Variants in LRRC4C observed in about 807,000 individuals in gnomAD.
LRRC4C encodes the protein leucine-rich repeat-containing protein 4C.
A neutral mutation model predicts 33.6 loss-of-function variants in LRRC4C; 5 were observed. The observed-to-expected ratio is 0.15, with a 90% CI of 0.08 to 0.31. LRRC4C has a LOEUF of 0.31. LRRC4C is among the 10% of genes least tolerant of loss of function. The pLI is 1.00. For synonymous variants in LRRC4C, 329 were observed against 302.0 expected (o/e 1.09, Z -0.93); for missense variants, 560 against 796.7 (o/e 0.70, Z 3.58).
intron 2 of LRRC4C, among the ~76,000 whole-genome samples, chr11:40,866,653 G>A (rs566163384): frequency 7.2e-5 from 11 of 152,250 alleles, no homozygotes; most frequent in South Asian, 4.1e-4. Flanking sequence ...TATTGGCTAC[G>A]TGAACTCTTT....
chr11:40,463,057 G>A (rs1480086551), intron 3 of LRRC4C, among the ~76,000 whole-genome samples: 2 of 152,072 alleles, frequency 1.3e-5, no homozygotes, highest in Non-Finnish European at 2.9e-5. Flanking sequence ...TTAGCTCTGT[G>A]CCTGTCACTG....
chr11:40,194,435 A>T (rs1216680902), intron 5 of LRRC4C, among the ~76,000 whole-genome samples: 2 of 152,194 alleles, frequency 1.3e-5, no homozygotes, highest in Admixed American at 1.3e-4. Flanking sequence ...CCTGCCTTAC[A>T]AGAGTTCCTG....
At chr11:40,896,115 C>T (rs1955928422) in intron 2 of LRRC4C, among the ~76,000 whole-genome samples, 1 of 152,096 alleles carries the variant, frequency 6.6e-6, no homozygotes, top group Non-Finnish European at 1.5e-5. Flanking sequence ...TTTCCTTCAC[C>T]TCTATTCACT....
intron 1 of LRRC4C, among the ~76,000 whole-genome samples, chr11:41,414,305 C>T (rs915682172): frequency 3.3e-5 from 5 of 152,144 alleles, no homozygotes; most frequent in African/African-American, 1.2e-4. Context: ...CCTCTCTTAT[C>T]TAATTTGGAA....
intron 2 of LRRC4C, among the ~76,000 whole-genome samples, chr11:40,685,688 A>T (rs1260812036): frequency 6.6e-6 from 1 of 152,078 alleles, no homozygotes; most frequent in Non-Finnish European, 1.5e-5. Flanking sequence ...AGGCTGAGAT[A>T]GAAAAATAAT....
rs376247786 is a variant in LRRC4C at position 40,354,604 on chromosome 11, C to T, written c.-269-34883G>A. Among the ~76,000 whole-genome samples, 2 of 152,162 alleles carry T rather than the reference C, an allele frequency of 1.3e-5. 1 individual carries two copies. Among genetic ancestry groups the T allele is most frequent in the South Asian group, 4.1e-4 (2 of 4,830 alleles). Reference sequence around the variant, plus strand: ...CCTTCTTCAAGCAGGAGTCTCTCCTCATGGCCACTGCTGCTCCAGGCCCAT... The same window carrying T: ...CCTTCTTCAAGCAGGAGTCTCTCCTTATGGCCACTGCTGCTCCAGGCCCAT... On this transcript the variant is annotated intron_variant, in intron 3 of 6. Transcript: ENST00000528697.
At chr11:41,293,107 T>C (rs893919801) in intron 1 of LRRC4C, among the ~76,000 whole-genome samples, 10 of 152,124 alleles carry the variant, frequency 6.6e-5, no homozygotes, top group Non-Finnish European at 1.3e-4. Context: ...CCAGGAGAAA[T>C]GCTCCAAATA....
rs150162899 is a variant in LRRC4C, at chr11:41,416,920, T to A, written c.-496+42511A>T. ...CTCTTGTGGCGTGGCAACTGAGTAA[T>A]GAGCCAAACTAAAGAGTTTCCCAGT... On this transcript the variant is annotated intron_variant, in intron 1 of 6. Transcript: ENST00000528697. 9.2e-5 allele frequency among the ~76,000 whole-genome samples: 14 copies of A among 152,100 alleles called. No homozygotes were observed. The East Asian group carries it at 2.7e-3, about 29-fold the overall frequency.
chr11:40,520,038 A>G (rs1395728385), intron 3 of LRRC4C, among the ~76,000 whole-genome samples: 1 of 152,208 alleles, frequency 6.6e-6, no homozygotes, highest in Non-Finnish European at 1.5e-5. Flanking sequence ...CTCTCTTGTT[A>G]GAGACTGATG....
chr11:40,308,110 A>T (rs972452227), intron 4 of LRRC4C, among the ~76,000 whole-genome samples: 1 of 152,250 alleles, frequency 6.6e-6, no homozygotes, highest in Non-Finnish European at 1.5e-5. Context: ...CCAAGGAGGC[A>T]CTGCTAGTGT....
intron 1 of LRRC4C, among the ~76,000 whole-genome samples, chr11:41,277,501 T>C (rs1949521897): frequency 6.6e-6 from 1 of 152,194 alleles, no homozygotes; most frequent in South Asian, 2.1e-4. Context: ...ATGAGATTAC[T>C]CATCCCTGTA....
At chr11:40,287,892 A>G (rs1249250493) in intron 4 of LRRC4C, among the ~76,000 whole-genome samples, 1 of 152,190 alleles carries the variant, frequency 6.6e-6, no homozygotes, top group Non-Finnish European at 1.5e-5. Flanking sequence ...ATGTTACTCC[A>G]ACCTTAATCT....
intron 1 of LRRC4C, among the ~76,000 whole-genome samples, chr11:41,099,269 C>A (rs892382789): frequency 2.6e-5 from 4 of 151,874 alleles, no homozygotes; most frequent in South Asian, 2.1e-4. Flanking sequence ...CAAAGAATAG[C>A]TGATACCATT....
intron 6 of LRRC4C, among the ~76,000 whole-genome samples, chr11:40,140,102 G>A (rs1312853264): frequency 6.6e-6 from 1 of 152,190 alleles, no homozygotes; most frequent in African/African-American, 2.4e-5. Context: ...TTTTTGGAAG[G>A]AAGTGCATTA....
At chr11:40,403,853 G>A (rs1397597834) in intron 3 of LRRC4C, among the ~76,000 whole-genome samples, 4 of 152,052 alleles carry the variant, frequency 2.6e-5, no homozygotes, top group Non-Finnish European at 4.4e-5. Context: ...ACACTAAACA[G>A]ATTTGACTCC....
rs1942840266 is a variant in LRRC4C, at chr11:41,128,198, A to G, written c.-495-194475T>C. ...CCTTCAATTTGAATTTCCCTGGGAC[A>G]TGAGGTTGTTATTATAGATGAGTTG... On this transcript the variant is annotated intron_variant, in intron 1 of 6. Coordinates refer to ENST00000528697, the MANE Select transcript of LRRC4C (RefSeq NM_001258419.2). Among the ~76,000 whole-genome samples the G allele has an allele frequency of 1.3e-5, 2 of 152,068 alleles. 1 individual carries two copies. The highest frequency in any genetic ancestry group is 4.1e-4 in the South Asian group (2 of 4,832).
chr11:41,157,100 C>A (rs924056757), intron 1 of LRRC4C, among the ~76,000 whole-genome samples: 27 of 152,088 alleles, frequency 1.8e-4, no homozygotes, highest in Non-Finnish European at 4.4e-5. Context: ...AACCTGCCAG[C>A]GCCTTGATCT....
intron 1 of LRRC4C, among the ~76,000 whole-genome samples, chr11:41,137,663 G>A (rs1565417414): frequency 1.3e-5 from 2 of 151,910 alleles, no homozygotes; most frequent in Admixed American, 6.6e-5. Flanking sequence ...GATCTCTTTA[G>A]ATAAAAAGTG....
chr11:40,805,093 A>G (rs1951188032), intron 2 of LRRC4C, among the ~76,000 whole-genome samples: 1 of 152,206 alleles, frequency 6.6e-6, no homozygotes, highest in Non-Finnish European at 1.5e-5. Flanking sequence ...TTCATGTCCA[A>G]CAATGAAGCC....
Sources: gnomAD v4.1 joint callset for allele counts (sites outside exome capture counted in the v4.1 genomes callset) on GRCh38, gnomAD v4.1.1 for gene constraint, MANE v1.5 for transcripts, NCBI Gene and HGNC (gene_info 2026-07-23, HGNC 2026-07-21) for gene names.